Variants in BNC2 observed in about 807,000 individuals in gnomAD.
BNC2 encodes zinc finger protein basonuclin-2.
BNC2 carries 20 observed loss-of-function variants against 76.3 expected under a neutral mutation model. That is an observed-to-expected ratio of 0.26 (90% confidence interval 0.18 to 0.38). The LOEUF (loss-of-function observed/expected upper bound fraction) is 0.38. Among genes scored for constraint, BNC2 ranks in the 10% least tolerant of loss-of-function variants. The pLI is 1.00. For synonymous variants in BNC2, 582 were observed against 514.8 expected (o/e 1.13, Z -1.77); for missense variants, 1,382 against 1,399.8 (o/e 0.99, Z 0.20).
chr9:16,723,839 A>G (rs1439441887), intron 3 of BNC2, among the ~76,000 whole-genome samples: 1 of 152,054 alleles, frequency 6.6e-6, no homozygotes, highest in African/African-American at 2.4e-5. Flanking sequence ...GATAACTAAC[A>G]CATCATGCTA....
Position 16,517,553 on chromosome 9 carries a change from C to A in BNC2, c.669+34977G>T, listed in dbSNP as rs149230662. Among the ~76,000 whole-genome samples, 145 of 152,200 alleles carry A rather than the reference C, an allele frequency of 9.5e-4. 1 individual carries two copies. Among genetic ancestry groups the A allele is most frequent in the African/African-American group, 3.3e-3 (139 of 41,506 alleles). On this transcript the variant is annotated intron_variant, in intron 5 of 6. Transcript: ENST00000380672. ...TTCCTATATGCTGTAATTTACCTGA[C>A]AAATTAATTGCAAACACACACACAC...
At chr9:16,463,137 A>T (rs1821621425) in intron 5 of BNC2, among the ~76,000 whole-genome samples, 1 of 152,114 alleles carries the variant, frequency 6.6e-6, no homozygotes, top group Non-Finnish European at 1.5e-5. Flanking sequence ...TGTGTGTGTA[A>T]CAGGAAACAT....
chr9:16,471,612 G>A (rs1396412091), intron 5 of BNC2, among the ~76,000 whole-genome samples: 6 of 152,160 alleles, frequency 3.9e-5, no homozygotes, highest in Admixed American at 1.3e-4. Flanking sequence ...GATTTTACAG[G>A]CCTGTAGGCG....
At chr9:16,465,308 C>T (rs929685207) in intron 5 of BNC2, among the ~76,000 whole-genome samples, 18 of 151,928 alleles carry the variant, frequency 1.2e-4, no homozygotes, top group South Asian at 4.2e-4. Context: ...TGGTGGCAGG[C>T]GCCTGTAGTC....
chr9:16,423,483 C>T (rs7851973), intron 6 of BNC2, among the ~76,000 whole-genome samples: 31,596 of 152,096 alleles, frequency 0.21, 6,162 homozygotes, highest in African/African-American at 0.52. Context: ...TAGCCCCAGA[C>T]GTTCACTTTC....
chr9:16,769,636 G>C (rs140096499), intron 1 of BNC2, among the ~76,000 whole-genome samples: 2 of 152,304 alleles, frequency 1.3e-5, no homozygotes, highest in East Asian at 3.9e-4. Context: ...TCCCAGTGCT[G>C]CCTGCCCCTT....
intron 1 of BNC2, among the ~76,000 whole-genome samples, chr9:16,813,099 G>A (rs1301338718): frequency 6.6e-6 from 1 of 151,972 alleles, no homozygotes; most frequent in Non-Finnish European, 1.5e-5. Context: ...TTGGAAGGCT[G>A]AGGCAGGAGA....
At chr9:16,659,903 A>G (rs1164502169) in intron 3 of BNC2, among the ~76,000 whole-genome samples, 2 of 152,218 alleles carry the variant, frequency 1.3e-5, no homozygotes, top group African/African-American at 4.8e-5. Context: ...CCACTAGAAT[A>G]TAATCTCCAA....
At chr9:16,423,989 TA>T (rs1820756868) in intron 6 of BNC2, among the ~76,000 whole-genome samples, 2 of 152,196 alleles carry the variant, frequency 1.3e-5, no homozygotes, top group African/African-American at 4.8e-5. Flanking sequence ...GGAAGTACTC[TA>T]ACTGGACTAA....
chr9:16,437,040 T>C lies in BNC2; in HGVS notation c.1154A>G (p.Asn385Ser). 4.3e-6 allele frequency: 7 copies of C among 1,614,052 alleles called. No homozygotes were observed. Among genetic ancestry groups the C allele is most frequent in the Non-Finnish European group, 5.9e-6 (7 of 1,180,010 alleles). The change falls in exon 6 of 7, where the codon AAT becomes AGT. Residue 385 changes from asparagine (N) to serine (S), a missense_variant. Transcript: ENST00000380672. ...PYKNDQTPNR[N>S]ALTSITNVEP... ...CACATTAGTAATGCTGGTCAGGGCA[T>C]TTCTATTGGGTGTTTGATCATTCTT...
At chr9:16,830,455 G>C (rs762522358) in intron 1 of BNC2, among the ~76,000 whole-genome samples, 1 of 152,178 alleles carries the variant, frequency 6.6e-6, no homozygotes, top group African/African-American at 2.4e-5. Context: ...TAAATGCTAC[G>C]TAAATATTTG....
intron 1 of BNC2, among the ~76,000 whole-genome samples, chr9:16,850,652 T>C (rs1439594369): frequency 6.6e-6 from 1 of 152,164 alleles, no homozygotes; most frequent in East Asian, 1.9e-4. Flanking sequence ...GAAGGATCAC[T>C]TGAGTCCAGG....
Position 16,506,511 on chromosome 9 carries a change from C to T in BNC2, c.669+46019G>A, listed in dbSNP as rs201955857. ...AAGTACACTTCTCTCTCTCTCTCTCCTCTTTTTTTTTTTTTTTTTTTTTTT... is the reference window on the plus strand; with the variant it reads ...AAGTACACTTCTCTCTCTCTCTCTCTTCTTTTTTTTTTTTTTTTTTTTTTT... On this transcript the variant is annotated intron_variant, in intron 5 of 6. Coordinates refer to ENST00000380672, the MANE Select transcript of BNC2 (RefSeq NM_017637.6). Among the ~76,000 whole-genome samples, 7 of 81,424 alleles carry T rather than the reference C, an allele frequency of 8.6e-5. 1 individual carries two copies. Among genetic ancestry groups the T allele is most frequent in the East Asian group, 4.7e-4 (1 of 2,136 alleles). 53.4% of individuals were successfully genotyped at this position (81,424 alleles called of 152,430 possible). A position where few individuals can be genotyped will look rare whatever the true frequency, so the allele number is the denominator to read the frequency against.
At chr9:16,690,490 C>T (rs539288695) in intron 3 of BNC2, among the ~76,000 whole-genome samples, 5 of 152,016 alleles carry the variant, frequency 3.3e-5, no homozygotes, top group East Asian at 1.9e-4. Flanking sequence ...TACATACTAA[C>T]GACACAGTAT....
intron 3 of BNC2, among the ~76,000 whole-genome samples, chr9:16,721,069 G>A (rs4961737): frequency 0.2 from 30,264 of 152,104 alleles, 4,075 homozygotes; most frequent in East Asian, 0.58. Flanking sequence ...GAGAAAGATG[G>A]CAGTACAGGT....
intron 5 of BNC2, among the ~76,000 whole-genome samples, chr9:16,453,130 A>C (rs547151720): frequency 6.6e-6 from 1 of 152,198 alleles, no homozygotes; most frequent in African/African-American, 2.4e-5. Context: ...TAGTACCTAC[A>C]CTTTGCTGAG....
chr9:16,658,648 A>C (rs1284347562), intron 3 of BNC2, among the ~76,000 whole-genome samples: 1 of 152,194 alleles, frequency 6.6e-6, no homozygotes, highest in African/African-American at 2.4e-5. Context: ...TAGGTCTTAT[A>C]AGCATGTGCC....
chr9:16,690,064 A>T (rs1234716755), intron 3 of BNC2, among the ~76,000 whole-genome samples: 1 of 152,224 alleles, frequency 6.6e-6, no homozygotes. Context: ...CTACAATTTA[A>T]CTAGGAGACA....
intron 1 of BNC2, among the ~76,000 whole-genome samples, chr9:16,830,420 T>A (rs1377543681): frequency 1.3e-5 from 2 of 152,350 alleles, no homozygotes; most frequent in African/African-American, 4.8e-5. Flanking sequence ...ATACTTGAAA[T>A]CATCCCTAGA....
Sources: allele counts gnomAD v4.1 joint callset (sites outside exome capture counted in the v4.1 genomes callset), GRCh38; gene constraint gnomAD v4.1.1; transcripts MANE v1.5; gene names NCBI Gene and HGNC (gene_info 2026-07-23, HGNC 2026-07-21).